Variants in FAM13A observed in about 807,000 individuals in gnomAD.
The protein encoded by FAM13A is protein FAM13A.
Under a neutral mutation model 129.6 loss-of-function variants are expected in FAM13A, and 76 were observed. The observed-to-expected ratio is 0.59, with a 90% CI of 0.49 to 0.71. The LOEUF is 0.71. Among genes scored for constraint, FAM13A ranks in the 30% least tolerant of loss-of-function variants. The pLI is 0.00. For missense variants in FAM13A, 1,108 were observed against 1,249.3 expected, an observed-to-expected ratio of 0.89 and a Z score of 1.70; for synonymous variants, 443 against 449.9, an observed-to-expected ratio of 0.98 and a Z score of 0.20.
At chr4:88,776,344 C>T (rs1721711993) in intron 11 of FAM13A, among the ~76,000 whole-genome samples, 1 of 152,124 alleles carries the variant, frequency 6.6e-6, no homozygotes, top group South Asian at 2.1e-4. Flanking sequence ...CCAGCTCCAC[C>T]ACTTACGTGT....
chr4:88,906,261 C>T, intron 6 of FAM13A, 118 bp downstream of exon 6: 1 of 735,624 alleles, frequency 1.4e-6, no homozygotes, highest in Non-Finnish European at 2.3e-6. Flanking sequence ...GCACTCCAGC[C>T]TGGACGATAA....
At chr4:88,921,795 T>C (rs949509093) in intron 5 of FAM13A, among the ~76,000 whole-genome samples, 3 of 152,082 alleles carry the variant, frequency 2.0e-5, no homozygotes, top group African/African-American at 4.8e-5. Context: ...TGTGCTGTAT[T>C]CAGGAAACCC....
intron 13 of FAM13A, among the ~76,000 whole-genome samples, chr4:88,766,764 C>A (rs1745777064): frequency 6.6e-6 from 1 of 152,150 alleles, no homozygotes; most frequent in African/African-American, 2.4e-5. Flanking sequence ...CAGTGCCCAA[C>A]AGAGACTAAG....
chr4:88,881,850 C>T (rs530244507), intron 6 of FAM13A, among the ~76,000 whole-genome samples: 1 of 151,498 alleles, frequency 6.6e-6, no homozygotes, highest in East Asian at 1.9e-4. Context: ...AACGTGTCAG[C>T]GATAGAATCA....
chr4:88,863,655 G>A (rs1486176413), intron 6 of FAM13A, among the ~76,000 whole-genome samples: 3 of 152,178 alleles, frequency 2.0e-5, no homozygotes, highest in Non-Finnish European at 2.9e-5. Flanking sequence ...CAGGCAGTTA[G>A]TGCCAAAACT....
intron 6 of FAM13A, among the ~76,000 whole-genome samples, chr4:88,860,316 G>A (rs961875844): frequency 2.4e-4 from 37 of 152,278 alleles, no homozygotes; most frequent in African/African-American, 8.2e-4. Flanking sequence ...GAGCATTAAC[G>A]CCTCAGGGAA....
At chr4:89,052,742 C>T (rs564542634) in intron 1 of FAM13A, among the ~76,000 whole-genome samples, 2 of 152,122 alleles carry the variant, frequency 1.3e-5, no homozygotes, top group South Asian at 4.2e-4. Context: ...TCCCCACTGG[C>T]TATCTTATTT....
In FAM13A at chr4:89,024,476, T is replaced by A. The variant is rs759001534; in HGVS notation, c.218-3807A>T. 4.6e-4 allele frequency among the ~76,000 whole-genome samples: 70 copies of A among 152,218 alleles called. 1 individual carries two copies. Among genetic ancestry groups the A allele is most frequent in the Admixed American group, 4.5e-3 (69 of 15,284 alleles). On this transcript the variant is annotated intron_variant, in intron 2 of 23. Coordinates refer to ENST00000264344, the MANE Select transcript of FAM13A (RefSeq NM_014883.4). ...GGCCTTTCTGTCTTAAAAATTCCTT[T>A]ACAATAATAGTTTACCTTCATGCCA...
At chr4:88,753,919 C>T (rs1743136443) in intron 14 of FAM13A, among the ~76,000 whole-genome samples, 1 of 152,174 alleles carries the variant, frequency 6.6e-6, no homozygotes, top group Non-Finnish European at 1.5e-5. Flanking sequence ...CATTCCCTGA[C>T]CATTCCCAAT....
At chr4:88,852,364 G>A (rs1377322359) in intron 6 of FAM13A, among the ~76,000 whole-genome samples, 2 of 152,080 alleles carry the variant, frequency 1.3e-5, no homozygotes, top group East Asian at 1.9e-4. Context: ...GTTTCACCAT[G>A]TTGGCCTGGC....
chr4:88,765,471 T>C (rs1578553083), intron 13 of FAM13A, among the ~76,000 whole-genome samples: 1 of 152,306 alleles, frequency 6.6e-6, no homozygotes, highest in East Asian at 1.9e-4. Flanking sequence ...TATAGACTTA[T>C]TTTTCATCAC....
chr4:88,763,900 T>C (rs1042281745), intron 13 of FAM13A, among the ~76,000 whole-genome samples: 1 of 152,326 alleles, frequency 6.6e-6, no homozygotes, highest in Middle Eastern at 3.4e-3. Flanking sequence ...GCTTTGGCTA[T>C]TGGATTGATT....
chr4:88,847,489 G>GT (rs1414816953), intron 7 of FAM13A, among the ~76,000 whole-genome samples: 1 of 152,226 alleles, frequency 6.6e-6, no homozygotes, highest in Non-Finnish European at 1.5e-5. Context: ...AGAACAAATA[G>GT]TTGCTACAGC....
intron 9 of FAM13A, 106 bp from the exon 10 acceptor site, chr4:88,788,038 GT>G (rs1724334210): frequency 3.6e-6 from 3 of 829,102 alleles, no homozygotes; most frequent in Non-Finnish European, 5.5e-6. Flanking sequence ...CCAGTGGAAA[GT>G]CTTTAGAACT....
chr4:88,837,864 T>G (rs1735100474), intron 7 of FAM13A, among the ~76,000 whole-genome samples: 1 of 152,178 alleles, frequency 6.6e-6, no homozygotes, highest in Non-Finnish European at 1.5e-5. Flanking sequence ...TGAAATTTCT[T>G]TGTGTTCTCA....
intron 6 of FAM13A, among the ~76,000 whole-genome samples, chr4:88,900,351 C>T (rs1747089833): frequency 6.6e-6 from 1 of 151,870 alleles, no homozygotes; most frequent in Non-Finnish European, 1.5e-5. Flanking sequence ...ATCATCAGAT[C>T]CTCCAAGGGC....
intron 1 of FAM13A, among the ~76,000 whole-genome samples, chr4:89,043,589 A>AT (rs1334918123): frequency 6.6e-6 from 1 of 152,082 alleles, no homozygotes; most frequent in African/African-American, 2.4e-5. Context: ...TAGAAACAGT[A>AT]TTTTTTTAAG....
chr4:89,004,232 G>A (rs1302347672), intron 3 of FAM13A, among the ~76,000 whole-genome samples: 14 of 152,108 alleles, frequency 9.2e-5, no homozygotes, highest in African/African-American at 2.7e-4. Context: ...TCCACCTCTC[G>A]GATTCAAATA....
chr4:88,961,412 G>C (rs1316953966), intron 4 of FAM13A, among the ~76,000 whole-genome samples: 2 of 115,782 alleles, frequency 1.7e-5, no homozygotes, highest in Non-Finnish European at 3.3e-5. Flanking sequence ...CTGTCATCCA[G>C]GCTGGAGTGC....
Sources: allele counts gnomAD v4.1 joint callset (sites outside exome capture counted in the v4.1 genomes callset), GRCh38; gene constraint gnomAD v4.1.1; transcripts MANE v1.5; gene names NCBI Gene and HGNC (gene_info 2026-07-23, HGNC 2026-07-21).